AKAP10: variants seen among roughly 807,000 people sequenced by gnomAD.
AKAP10 encodes A-kinase anchor protein 10, mitochondrial.
Under a neutral mutation model 80.8 loss-of-function variants are expected in AKAP10, and 24 were observed. The observed-to-expected ratio is 0.30, with a 90% CI of 0.22 to 0.42. The LOEUF (loss-of-function observed/expected upper bound fraction) is 0.42. Ranked by LOEUF, AKAP10 falls within the 10% of genes least tolerant of loss-of-function variation. AKAP10 has a pLI of 1.00. For synonymous variants in AKAP10, 291 were observed against 277.7 expected (o/e 1.05, Z -0.48); for missense variants, 661 against 794.9 (o/e 0.83, Z 2.03).
At chr17:19,917,003 G>A (rs900089593) in intron 12 of AKAP10, among the ~76,000 whole-genome samples, 1 of 150,702 alleles carries the variant, frequency 6.6e-6, no homozygotes, top group Non-Finnish European at 1.5e-5. Flanking sequence ...GGTGGCTCAC[G>A]CCTGTAACTC....
chr17:19,938,018 G>A (rs575311413), intron 8 of AKAP10, among the ~76,000 whole-genome samples: 29 of 140,636 alleles, frequency 2.1e-4, no homozygotes, highest in Non-Finnish European at 4.1e-4. Flanking sequence ...TCTGCCTCCC[G>A]GGTTCAAGCA....
chr17:19,968,389 G>GT (rs763166478), intron 2 of AKAP10, 25 bp downstream of exon 2: 8 of 1,602,098 alleles, frequency 5.0e-6, no homozygotes, highest in Non-Finnish European at 6.8e-6. Context: ...TTTTAATGCA[G>GT]TGGACTGCCA....
chr17:19,953,037 A>C (rs1363762648), intron 4 of AKAP10, among the ~76,000 whole-genome samples: 1 of 152,190 alleles, frequency 6.6e-6, no homozygotes, highest in African/African-American at 2.4e-5. Flanking sequence ...TTTAAAAATT[A>C]ATAAATGAAA....
intron 1 of AKAP10, among the ~76,000 whole-genome samples, chr17:19,976,604 C>T (rs985843350): frequency 3.3e-5 from 5 of 151,942 alleles, no homozygotes; most frequent in Non-Finnish European, 5.9e-5. Context: ...ACCGCAACCT[C>T]CGCCTCCCAG....
intron 5 of AKAP10, among the ~76,000 whole-genome samples, chr17:19,942,200 A>G (rs2043057392): frequency 6.6e-6 from 1 of 152,240 alleles, no homozygotes; most frequent in Non-Finnish European, 1.5e-5. Flanking sequence ...TGCAGCATGC[A>G]TGACAGTTAA....
At chr17:19,946,657 CTTT>C (rs35156168) in intron 5 of AKAP10, among the ~76,000 whole-genome samples, 19 of 111,128 alleles carry the variant, frequency 1.7e-4, no homozygotes, top group African/African-American at 5.7e-4. Flanking sequence ...ATAAGAAAAA[CTTT>C]TTTTTTTTTT....
intron 12 of AKAP10, among the ~76,000 whole-genome samples, chr17:19,917,222 G>A (rs1248275068): frequency 2.0e-5 from 3 of 151,634 alleles, no homozygotes; most frequent in Non-Finnish European, 4.4e-5. Context: ...CCAAGATCGC[G>A]CCACAGCACT....
At chr17:19,956,834 G>A (rs757456728) in intron 4 of AKAP10, among the ~76,000 whole-genome samples, 5 of 151,930 alleles carry the variant, frequency 3.3e-5, no homozygotes, top group African/African-American at 7.3e-5. Flanking sequence ...GTGAAACCCC[G>A]TCTCTACTAA....
chr17:19,920,958 TC>T (rs1366274464), intron 11 of AKAP10, among the ~76,000 whole-genome samples: 1 of 123,460 alleles, frequency 8.1e-6, no homozygotes, highest in Admixed American at 8.7e-5. Flanking sequence ...ACATAGAGAA[TC>T]TTTTTTTTTT....
At chr17:19,920,172 G>T in intron 11 of AKAP10, 54 bp from the exon 12 acceptor site, 1 of 1,338,076 alleles carries the variant, frequency 7.5e-7, no homozygotes, top group Non-Finnish European at 1.1e-6. Flanking sequence ...TTTAAATTTA[G>T]GAGAAAACAA....
At chr17:19,921,919 T>C (rs2042822052) in intron 11 of AKAP10, among the ~76,000 whole-genome samples, 1 of 152,176 alleles carries the variant, frequency 6.6e-6, no homozygotes, top group Non-Finnish European at 1.5e-5. Context: ...TAAGTCTGTA[T>C]AGATGAACAT....
intron 14 of AKAP10, among the ~76,000 whole-genome samples, chr17:19,906,776 T>C (rs563379900): frequency 2.0e-5 from 3 of 152,278 alleles, no homozygotes; most frequent in East Asian, 3.9e-4. Flanking sequence ...GAGTTGGAGG[T>C]TGAAGCAGAG....
chr17:19,920,088 C>G lies in AKAP10; in HGVS notation c.1782G>C (p.Leu594Phe). Residue 594 changes from leucine to phenylalanine, a missense_variant, in exon 12 of 15, where the codon TTG (leucine) becomes TTC (phenylalanine). Coordinates refer to ENST00000225737, the MANE Select transcript of AKAP10 (RefSeq NM_007202.4). ...GKMTFGRVSD[L>F]GQFIRESEPE... ...GCTCAGATTCTCGGATGAATTGCCC[C>G]AAGTCACTGACTCTTCCAAATGTCA... 6.2e-7 allele frequency: 1 copy of G among 1,613,156 alleles called. No homozygotes were observed.
rs764194160 is a variant in AKAP10, at chr17:19,904,394, T to C, written c.*1833A>G. On this transcript the variant is annotated 3_prime_UTR_variant, in exon 15 of 15. Coordinates refer to ENST00000225737, the MANE Select transcript of AKAP10 (RefSeq NM_007202.4). The stretch of plus-strand genomic sequence containing the variant: ...TATATACAAAGAAATGATTAGAATT[T>C]ATCTTAACTGAAAGCACTAGTTTAA... The C allele has an allele frequency of 8.5e-5, 13 of 152,206 alleles. No individual in the cohort carries two copies. The highest frequency in any genetic ancestry group is 1.6e-4 in the Non-Finnish European group (11 of 68,020). 9.4% of individuals were successfully genotyped at this position (152,206 alleles called of 1,614,324 possible).
rs1301395564 is a variant in AKAP10, at chr17:19,939,739, C to T, written c.1296G>A (p.Gln432=). ...TGTCATATAAAATCATGGCATCATTCTGTGCCTCCTGTCCATCATATTGGC... is the reference window on the plus strand; with the variant it reads ...TGTCATATAAAATCATGGCATCATTTTGTGCCTCCTGTCCATCATATTGGC... ...KKGQYDGQEA[Q]NDAMILYDKY... is the part of the protein sequence containing the mutation. Residue 432 remains glutamine (Q), a synonymous_variant, in exon 8 of 15, where the codon CAG becomes CAA. Coordinates refer to ENST00000225737, the MANE Select transcript of AKAP10 (RefSeq NM_007202.4). 6.2e-6 allele frequency: 10 copies of T among 1,613,712 alleles called. No individual in the cohort carries two copies. The highest frequency in any genetic ancestry group is 1.3e-5 in the African/African-American group (1 of 74,926).
In AKAP10 at chr17:19,977,815, G is replaced by A. The variant is rs1209288969; in HGVS notation, c.-136C>T. ...CCAGCCGCCATATTATCAACAAGCC[G>A]CCCGCCCGGAGTTCCGGTCCTTCCC... is the stretch of plus-strand genomic sequence containing the variant. On this transcript the variant is annotated 5_prime_UTR_variant, in exon 1 of 15. Coordinates refer to ENST00000225737, the MANE Select transcript of AKAP10 (RefSeq NM_007202.4). 4.2e-6 allele frequency: 2 copies of A among 471,384 alleles called. No individual in the cohort carries two copies. The highest frequency in any genetic ancestry group is 6.9e-6 in the Non-Finnish European group (2 of 291,938). The allele number at this position is 471,384 out of a possible 1,614,324, so 29.2% of individuals were successfully genotyped here. A position where few individuals can be genotyped will look rare whatever the true frequency, so the allele number is the denominator to read the frequency against.
intron 14 of AKAP10, among the ~76,000 whole-genome samples, chr17:19,908,126 A>G (rs1309238914): frequency 6.6e-6 from 1 of 151,954 alleles, no homozygotes; most frequent in East Asian, 1.9e-4. Flanking sequence ...CGGCCTCCCA[A>G]AGTGCTGGGA....
intron 4 of AKAP10, 31 bp from the exon 5 acceptor site, chr17:19,947,536 A>C: frequency 6.8e-7 from 1 of 1,475,768 alleles, no homozygotes; most frequent in Admixed American, 1.7e-5. Context: ...TTCAAAAACC[A>C]AAAAGCAACT....
Position 19,972,740 on chromosome 17 carries a change from C to T in AKAP10, c.89-4279G>A, listed in dbSNP as rs920102013. 2.6e-5 allele frequency among the ~76,000 whole-genome samples: 4 copies of T among 152,180 alleles called. No homozygotes were observed. The South Asian group carries it at 8.3e-4, about 31-fold the overall frequency. On this transcript the variant is annotated intron_variant, in intron 1 of 14. Coordinates refer to ENST00000225737, the MANE Select transcript of AKAP10 (RefSeq NM_007202.4). ...AAAGTACTGGTATTACAGGCGTGAG[C>T]CACCGCGCTTGGCGAAAGTTTTAAG... is the stretch of plus-strand genomic sequence containing the variant.
Sources: allele counts gnomAD v4.1 joint callset (sites outside exome capture counted in the v4.1 genomes callset), GRCh38; gene constraint gnomAD v4.1.1; transcripts MANE v1.5; gene names NCBI Gene and HGNC (gene_info 2026-07-23, HGNC 2026-07-21).